STOX2: variants seen among roughly 807,000 people sequenced by gnomAD.
STOX2 encodes the protein storkhead-box protein 2.
A neutral mutation model predicts 60.9 loss-of-function variants in STOX2; 28 were observed. The observed-to-expected ratio is 0.46, with a 90% CI of 0.34 to 0.63. STOX2 has a LOEUF of 0.63. STOX2 is among the 30% of genes least tolerant of loss of function. The pLI, the probability that STOX2 is intolerant of heterozygous loss-of-function variation, is 0.01. For missense variants in STOX2, 1,024 were observed against 1,187.7 expected (o/e 0.86, Z 2.03); for synonymous variants, 472 against 463.9 (o/e 1.02, Z -0.22).
chr4:183,817,750 G>A (rs563509940), intron 1 of STOX2, among the ~76,000 whole-genome samples: 1 of 152,244 alleles, frequency 6.6e-6, no homozygotes, highest in African/African-American at 2.4e-5. Flanking sequence ...TGACTTGTGA[G>A]GAGAGACCTT....
chr4:183,946,196 A>T (rs542551147), intron 1 of STOX2, among the ~76,000 whole-genome samples: 1 of 149,872 alleles, frequency 6.7e-6, no homozygotes, highest in African/African-American at 2.6e-5. Context: ...CATCATGGTT[A>T]AAATGATGGG....
At chr4:183,912,556 T>C (rs1215873121) in intron 1 of STOX2, among the ~76,000 whole-genome samples, 2 of 152,222 alleles carry the variant, frequency 1.3e-5, no homozygotes, top group Admixed American at 6.5e-5. Flanking sequence ...AACCAGCTCC[T>C]ATGCCCCCTT....
intron 1 of STOX2, among the ~76,000 whole-genome samples, chr4:183,884,534 A>T (rs963361130): frequency 6.6e-6 from 1 of 152,126 alleles, no homozygotes; most frequent in East Asian, 1.9e-4. Flanking sequence ...TTCACTACAA[A>T]CTATATTCCA....
intron 1 of STOX2, among the ~76,000 whole-genome samples, chr4:183,929,367 C>T (rs143689430): frequency 1.8e-4 from 27 of 152,212 alleles, no homozygotes; most frequent in Admixed American, 1.1e-3. Context: ...TAGATAAACG[C>T]GTTAGGAATT....
Position 183,906,230 on chromosome 4 carries a change from T to C in STOX2, c.-561T>C, listed in dbSNP as rs1223510598. On this transcript the variant is annotated 5_prime_UTR_variant, in exon 1 of 4. Coordinates refer to ENST00000308497, the MANE Select transcript of STOX2 (RefSeq NM_020225.3). ...GCTGATAGGCCCGCGGGGACACGACTCGGACACTGTCATCCCCACGCCTCG... is the reference window on the plus strand; with the variant it reads ...GCTGATAGGCCCGCGGGGACACGACCCGGACACTGTCATCCCCACGCCTCG... 1 of 152,172 alleles carries C rather than the reference T, an allele frequency of 6.6e-6. No individual in the cohort carries two copies. The highest frequency in any genetic ancestry group is 6.5e-5 in the Admixed American group (1 of 15,282). The allele number at this position is 152,172 out of a possible 1,614,324, so 9.4% of individuals were successfully genotyped here.
chr4:183,864,810 C>T (rs1200611849), intron 1 of STOX2, among the ~76,000 whole-genome samples: 6 of 152,188 alleles, frequency 3.9e-5, no homozygotes, highest in Admixed American at 1.3e-4. Context: ...TCCTCAACCA[C>T]TCCTCTAGCA....
chr4:183,934,785 G>A (rs1478717812), intron 1 of STOX2, among the ~76,000 whole-genome samples: 2 of 152,154 alleles, frequency 1.3e-5, no homozygotes. Context: ...TAAAATAAAT[G>A]AGAAATAAGA....
At position 184,001,855 on chromosome 4, in the gene STOX2, C is replaced by G. The variant is rs1303336120; in HGVS notation, c.319+378C>G. Among the ~76,000 whole-genome samples, 1 of 152,092 alleles carries G rather than the reference C, an allele frequency of 6.6e-6. No homozygotes were observed. Among genetic ancestry groups the G allele is most frequent in the Non-Finnish European group, 1.5e-5 (1 of 68,020 alleles). On this transcript the variant is annotated intron_variant, in intron 2 of 3. Coordinates refer to ENST00000308497, the MANE Select transcript of STOX2 (RefSeq NM_020225.3). This position sits in a 1 kb window ranked among gnomAD's most constrained non-coding sequence, Gnocchi z 4.2. ...AGTTAAACTACAGAAAGGGTCATGT[C>G]AAAAATTAACATATCTTACATATTT...
chr4:183,855,599 A>G (rs1287476553), intron 1 of STOX2, among the ~76,000 whole-genome samples: 1 of 152,196 alleles, frequency 6.6e-6, no homozygotes, highest in Non-Finnish European at 1.5e-5. Flanking sequence ...AAATAACCTC[A>G]GTGTGGGAAA....
At chr4:184,012,778 C>T (rs911262446) in intron 3 of STOX2, among the ~76,000 whole-genome samples, 2 of 152,086 alleles carry the variant, frequency 1.3e-5, no homozygotes, top group African/African-American at 4.8e-5. Flanking sequence ...TGGGCCTCAG[C>T]CTGAAAACCA....
intron 2 of STOX2, among the ~76,000 whole-genome samples, chr4:184,005,649 T>G (rs544464610): frequency 1.3e-5 from 2 of 152,168 alleles, no homozygotes; most frequent in African/African-American, 4.8e-5. Flanking sequence ...CGGAGTCGAA[T>G]TTGGAAGTAG....
At chr4:183,962,608 T>C (rs1043906279) in intron 1 of STOX2, among the ~76,000 whole-genome samples, 2 of 152,186 alleles carry the variant, frequency 1.3e-5, no homozygotes, top group Admixed American at 6.5e-5. Context: ...GGTTCCACAA[T>C]AAATGACTTG....
chr4:183,845,758 C>G (rs1739970118), intron 1 of STOX2, among the ~76,000 whole-genome samples: 1 of 152,186 alleles, frequency 6.6e-6, no homozygotes, highest in Non-Finnish European at 1.5e-5. Flanking sequence ...TAAGTTACAT[C>G]TTTATACGAT....
chr4:183,885,025 T>C (rs1004533697), intron 1 of STOX2, among the ~76,000 whole-genome samples: 6 of 152,180 alleles, frequency 3.9e-5, no homozygotes, highest in Non-Finnish European at 7.4e-5. Context: ...ACATGTGAGC[T>C]GAAACTAGTT....
intron 3 of STOX2, among the ~76,000 whole-genome samples, chr4:184,013,447 A>T (rs913284559): frequency 6.6e-6 from 1 of 152,222 alleles, no homozygotes; most frequent in African/African-American, 2.4e-5. Context: ...TTCTAAAGAG[A>T]CAACCTTCAC....
chr4:183,849,494 C>A (rs75682866), intron 1 of STOX2, among the ~76,000 whole-genome samples: 3 of 152,334 alleles, frequency 2.0e-5, no homozygotes, highest in African/African-American at 7.2e-5. Flanking sequence ...ATAGCATTTA[C>A]AGGGCTTGGA....
At chr4:183,929,919 A>T (rs368647620) in intron 1 of STOX2, among the ~76,000 whole-genome samples, 8 of 152,130 alleles carry the variant, frequency 5.3e-5, no homozygotes, top group Non-Finnish European at 8.8e-5. Flanking sequence ...GCTGGAGTGC[A>T]GTGGCACGAT....
chr4:183,933,429 C>G (rs1742495703), intron 1 of STOX2, among the ~76,000 whole-genome samples: 1 of 152,122 alleles, frequency 6.6e-6, no homozygotes, highest in Admixed American at 6.5e-5. Flanking sequence ...ACTCTTGTCG[C>G]CCTGGCTAGA....
Position 184,011,269 on chromosome 4 carries a change from G to C in STOX2, c.2431G>C (p.Glu811Gln). Residue 811 changes from glutamate to glutamine, a missense_variant, in exon 3 of 4, where the codon GAA becomes CAA. Coordinates refer to ENST00000308497, the MANE Select transcript of STOX2 (RefSeq NM_020225.3). This position sits in a 1 kb window ranked among gnomAD's most constrained non-coding sequence, Gnocchi z 4.4. ...TMQWLLEREK[E>Q]RDLQRKFEKN... ...GCAGTGGCTCCTCGAGCGGGAGAAG[G>C]AAAGAGACTTGCAGAGGAAATTTGA... is the stretch of plus-strand genomic sequence containing the variant. 1.2e-6 allele frequency: 2 copies of C among 1,613,834 alleles called. No individual in the cohort carries two copies. Among genetic ancestry groups the C allele is most frequent in the East Asian group, 4.5e-5 (2 of 44,876 alleles).
Sources: gnomAD v4.1 joint callset for allele counts (sites outside exome capture counted in the v4.1 genomes callset) on GRCh38, gnomAD v4.1.1 for gene constraint, Gnocchi (gnomAD v3.1) non-coding constraint, MANE v1.5 for transcripts, NCBI Gene and HGNC (gene_info 2026-07-23, HGNC 2026-07-21) for gene names.